Variants in GOLM2 observed in about 807,000 individuals in gnomAD.
GOLM2 encodes the protein golgi membrane protein 2.
In GOLM2, 26 loss-of-function variants were observed where a neutral mutation model predicts 55.9. That is an observed-to-expected ratio of 0.47 (90% CI 0.34 to 0.65). The LOEUF (loss-of-function observed/expected upper bound fraction) is 0.65. Ranked by LOEUF, GOLM2 falls within the 30% of genes least tolerant of loss-of-function variation. The probability of loss-of-function intolerance (pLI) is 0.01; values close to 1 mark genes in which losing one functional copy is unlikely to be tolerated. For synonymous variants in GOLM2, 165 were observed against 194.6 expected, an observed-to-expected ratio of 0.85 and a Z score of 1.27; for missense variants, 486 against 531.8, an observed-to-expected ratio of 0.91 and a Z score of 0.85.
intron 1 of GOLM2, among the ~76,000 whole-genome samples, chr15:44,297,093 T>C (rs1019932658): frequency 8.5e-5 from 13 of 152,216 alleles, no homozygotes; most frequent in Non-Finnish European, 1.8e-4. Flanking sequence ...GTTAGAAATT[T>C]GGTGTTGTCT....
intron 4 of GOLM2, among the ~76,000 whole-genome samples, chr15:44,332,504 G>A (rs2079028972): frequency 6.6e-6 from 1 of 150,806 alleles, no homozygotes; most frequent in African/African-American, 2.4e-5. Context: ...AGGTTACAAT[G>A]AGCCAAGATC....
intron 1 of GOLM2, among the ~76,000 whole-genome samples, chr15:44,292,807 T>A (rs923685415): frequency 8.5e-5 from 13 of 152,112 alleles, no homozygotes; most frequent in Admixed American, 4.6e-4. Context: ...GGGTTTTTTT[T>A]ATTGTTATTG....
Position 44,414,492 on chromosome 15 carries a change from GC to G in GOLM2, c.*1087del, listed in dbSNP as rs781338568. ...TACTGTTTAACTATAGCCAGAACTG[GC>G]TAAAATTTTTATATTTTCAGAGTTG... On this transcript the variant is annotated 3_prime_UTR_variant, in exon 10 of 10. Coordinates refer to ENST00000299957, the MANE Select transcript of GOLM2 (RefSeq NM_138423.4). 1.3e-5 allele frequency: 2 copies of G among 152,098 alleles called. No homozygotes were observed. The highest frequency in any genetic ancestry group is 2.9e-5 in the Non-Finnish European group (2 of 68,014). The allele number at this position is 152,098 out of a possible 1,614,324, so 9.4% of individuals were successfully genotyped here.
intron 6 of GOLM2, among the ~76,000 whole-genome samples, chr15:44,376,885 T>G (rs573667339): frequency 6.6e-6 from 1 of 152,296 alleles, no homozygotes; most frequent in South Asian, 2.1e-4. Context: ...ATAAATACCT[T>G]TCTCCTTAGT....
At chr15:44,356,514 C>G (rs2141166255) in intron 6 of GOLM2, among the ~76,000 whole-genome samples, 1 of 152,242 alleles carries the variant, frequency 6.6e-6, no homozygotes, top group East Asian at 1.9e-4. Context: ...ACACAGTCTG[C>G]CAGCTCTACA....
intron 1 of GOLM2, among the ~76,000 whole-genome samples, chr15:44,315,233 TA>T (rs2078901500): frequency 6.6e-6 from 1 of 152,168 alleles, no homozygotes; most frequent in African/African-American, 2.4e-5. Context: ...GTATGAAATA[TA>T]ATCAAGAAAA....
intron 8 of GOLM2, among the ~76,000 whole-genome samples, chr15:44,393,721 A>G (rs2079506533): frequency 6.6e-6 from 1 of 151,998 alleles, no homozygotes; most frequent in Non-Finnish European, 1.5e-5. Flanking sequence ...CCCACATTCA[A>G]GCGTTTGTCG....
intron 6 of GOLM2, among the ~76,000 whole-genome samples, chr15:44,369,541 T>C (rs1232072682): frequency 1.3e-5 from 2 of 151,960 alleles, no homozygotes; most frequent in African/African-American, 4.8e-5. Context: ...AAACAGTTCT[T>C]GGCAGGGCAC....
At chr15:44,302,166 A>G (rs1396996806) in intron 1 of GOLM2, among the ~76,000 whole-genome samples, 2 of 144,128 alleles carry the variant, frequency 1.4e-5, no homozygotes, top group Admixed American at 7.0e-5. Context: ...TTTTTTTGAG[A>G]TGGAGTCTTA....
chr15:44,298,371 C>A (rs1391587369), intron 1 of GOLM2, among the ~76,000 whole-genome samples: 1 of 149,850 alleles, frequency 6.7e-6, no homozygotes, highest in African/African-American at 2.5e-5. Context: ...TCAAGTGATT[C>A]TCTAGCCTCA....
At chr15:44,367,787 C>T (rs1010441293) in intron 6 of GOLM2, among the ~76,000 whole-genome samples, 11 of 143,186 alleles carry the variant, frequency 7.7e-5, no homozygotes, top group African/African-American at 2.7e-4. Context: ...GAGACTCTGT[C>T]TCAAAAAAAA....
intron 9 of GOLM2, chr15:44,409,798 C>G (rs999401477): frequency 8.6e-5 from 13 of 150,688 alleles, no homozygotes; most frequent in Admixed American, 7.3e-4. Context: ...CGCCTGTAAT[C>G]CCAGCTACTC....
chr15:44,413,211 A>G (rs779779658), intron 9 of GOLM2, 125 bp from the exon 10 acceptor site: 3 of 632,596 alleles, frequency 4.7e-6, no homozygotes, highest in Non-Finnish European at 8.3e-6. Flanking sequence ...ATAGAACACT[A>G]TTTGTACTAG....
intron 3 of GOLM2, among the ~76,000 whole-genome samples, chr15:44,329,308 A>G (rs892404213): frequency 6.6e-6 from 1 of 152,156 alleles, no homozygotes; most frequent in East Asian, 1.9e-4. Context: ...TTTGTAATCA[A>G]TTTTATGGTA....
At chr15:44,383,805 T>C (rs2079421653) in intron 8 of GOLM2, among the ~76,000 whole-genome samples, 1 of 151,872 alleles carries the variant, frequency 6.6e-6, no homozygotes, top group Non-Finnish European at 1.5e-5. Context: ...CCTTCCTCAG[T>C]AGCTGAGACC....
chr15:44,403,147 G>A (rs1159524300), intron 9 of GOLM2, 93 bp downstream of exon 9: 1 of 1,432,058 alleles, frequency 7.0e-7, no homozygotes, highest in South Asian at 1.2e-5. Context: ...ACTTATTAGT[G>A]GCAGTGTAAC....
Position 44,328,763 on chromosome 15 carries a change from T to C in GOLM2, c.461T>C (p.Leu154Pro). 2 of 1,609,074 alleles carry C rather than the reference T, an allele frequency of 1.2e-6. No individual in the cohort carries two copies. The highest frequency in any genetic ancestry group is 1.7e-6 in the Non-Finnish European group (2 of 1,177,970). The change falls in exon 3 of 10, where the codon CTT becomes CCT. Residue 154 changes from leucine to proline, a missense_variant. Physicochemically the swap from Leu to Pro is moderately conservative, Grantham distance 98. Transcript: ENST00000299957. ...GACTATAGGAAGAACAATACTTACC[T>C]TGTGAAGAGGTTAGAATATGAAAGG... ...LQDYRKNNTY[L>P]VKRLEYESFQ...
intron 6 of GOLM2, among the ~76,000 whole-genome samples, chr15:44,366,980 A>T (rs958695173): frequency 2.0e-5 from 3 of 152,212 alleles, no homozygotes; most frequent in Non-Finnish European, 4.4e-5. Flanking sequence ...ATAAAAATTT[A>T]AAAATCCTAA....
chr15:44,309,557 CT>C (rs150453868), intron 1 of GOLM2, among the ~76,000 whole-genome samples: 4 of 151,984 alleles, frequency 2.6e-5, no homozygotes, highest in Non-Finnish European at 4.4e-5. Context: ...AAGCTAAAGA[CT>C]TTTTTTTCTT....
Sources: gnomAD v4.1 joint callset for allele counts (sites outside exome capture counted in the v4.1 genomes callset) on GRCh38, gnomAD v4.1.1 for gene constraint, MANE v1.5 for transcripts, NCBI Gene and HGNC (gene_info 2026-07-23, HGNC 2026-07-21) for gene names.